Variants in LARGE1 observed in about 807,000 individuals in gnomAD.
LARGE1 encodes LARGE xylosyl- and glucuronyltransferase 1, also known as xylosyl- and glucuronyltransferase LARGE1.
Under a neutral mutation model 87.6 loss-of-function variants are expected in LARGE1, and 43 were observed. The ratio of observed to expected loss-of-function variants is 0.49; its 90% CI spans 0.38 to 0.63. LARGE1 has a LOEUF of 0.63. Among genes scored for constraint, LARGE1 ranks in the 30% least tolerant of loss-of-function variants. LARGE1 has a pLI of 0.00. For missense variants in LARGE1, 802 were observed against 1,000.2 expected (o/e 0.80, Z 2.67); for synonymous variants, 434 against 394.6 (o/e 1.10, Z -1.18).
intron 11 of LARGE1, among the ~76,000 whole-genome samples, chr22:33,242,941 C>T (rs1232014693): frequency 2.6e-5 from 4 of 152,162 alleles, no homozygotes; most frequent in Non-Finnish European, 5.9e-5. Context: ...CCTTCCTCTC[C>T]ACATGGCATT....
At chr22:33,322,292 G>A (rs1190134210) in intron 10 of LARGE1, among the ~76,000 whole-genome samples, 2 of 152,116 alleles carry the variant, frequency 1.3e-5, no homozygotes, top group Admixed American at 1.3e-4. Context: ...CAATATCCAG[G>A]TTCTATATCC....
chr22:33,902,708 A>T (rs761911624), intron 1 of LARGE1, among the ~76,000 whole-genome samples: 6 of 152,162 alleles, frequency 3.9e-5, no homozygotes, highest in Non-Finnish European at 8.8e-5. Context: ...TCAAAATACA[A>T]CCCATTCACA....
At chr22:33,443,524 T>C (rs2067569336) in intron 6 of LARGE1, among the ~76,000 whole-genome samples, 1 of 152,168 alleles carries the variant, frequency 6.6e-6, no homozygotes, top group Admixed American at 6.5e-5. Context: ...CTTTCAGTGT[T>C]AATCCTAGTA....
chr22:33,258,476 T>C (rs1026377897), intron 11 of LARGE1, among the ~76,000 whole-genome samples: 33 of 152,174 alleles, frequency 2.2e-4, no homozygotes, highest in African/African-American at 8.0e-4. Context: ...TCAGAGGCAT[T>C]TGAATCAGAG....
At chr22:33,095,669 G>C in the LARGE1 span, among the ~76,000 whole-genome samples, 3 of 152,176 alleles carry the variant, frequency 2.0e-5, no homozygotes, top group Admixed American at 2.0e-4. Flanking sequence ...ATAAATGAAA[G>C]AAGAGAGACA....
At chr22:33,282,523 C>T (rs1273844593) in intron 13 of LARGE1, among the ~76,000 whole-genome samples, 2 of 152,174 alleles carry the variant, frequency 1.3e-5, no homozygotes, top group African/African-American at 2.4e-5. Context: ...CCTGTTTGCT[C>T]CTGTGCGGTG....
intron 9 of LARGE1, among the ~76,000 whole-genome samples, chr22:33,364,271 A>T (rs931681191): frequency 7.2e-5 from 11 of 151,944 alleles, no homozygotes; most frequent in Non-Finnish European, 1.6e-4. Flanking sequence ...GTTAGCCAGG[A>T]TGGTCTCCAT....
At chr22:33,159,528 A>C (rs1286180759), downstream of LARGE1, among the ~76,000 whole-genome samples, 2 of 152,132 alleles carry the variant, frequency 1.3e-5, no homozygotes, top group African/African-American at 4.8e-5. Flanking sequence ...ACTCATTGAT[A>C]GACTGATAGG....
chr22:33,219,181 A>C (rs141626635), intron 11 of LARGE1, among the ~76,000 whole-genome samples: 184 of 152,324 alleles, frequency 1.2e-3, no homozygotes, highest in African/African-American at 4.2e-3. Context: ...TAACTAATTC[A>C]AACAGCTACC....
intron 11 of LARGE1, among the ~76,000 whole-genome samples, chr22:33,184,411 CAT>C (rs1190046762): frequency 6.6e-6 from 1 of 151,224 alleles, no homozygotes; most frequent in African/African-American, 2.4e-5. Flanking sequence ...GTAATTATGT[CAT>C]ATCACTACTA....
At chr22:33,688,262 G>C (rs1244688606) in intron 2 of LARGE1, among the ~76,000 whole-genome samples, 1 of 152,200 alleles carries the variant, frequency 6.6e-6, no homozygotes, top group Non-Finnish European at 1.5e-5. Context: ...GCTGGAAACA[G>C]TGCTAGCCCA....
chr22:33,267,461 C>A (rs1341729665), intron 11 of LARGE1, among the ~76,000 whole-genome samples: 4 of 151,614 alleles, frequency 2.6e-5, no homozygotes, highest in Non-Finnish European at 5.9e-5. Context: ...CTGAATTAGA[C>A]ATGGGTTATG....
chr22:33,797,549 G>A (rs2086025192), intron 1 of LARGE1, among the ~76,000 whole-genome samples: 1 of 152,164 alleles, frequency 6.6e-6, no homozygotes, highest in Admixed American at 6.5e-5. Flanking sequence ...ACGGTGGTTG[G>A]AGGCAGAGGA....
At chr22:33,169,975 A>C (rs750318733) in intron 11 of LARGE1, among the ~76,000 whole-genome samples, 18 of 152,182 alleles carry the variant, frequency 1.2e-4, no homozygotes, top group Non-Finnish European at 2.5e-4. Context: ...GCTATGGTCC[A>C]AATATTTGTG....
chr22:33,550,851 G>A (rs1218184570), intron 6 of LARGE1, among the ~76,000 whole-genome samples: 2 of 152,158 alleles, frequency 1.3e-5, no homozygotes, highest in South Asian at 2.1e-4. Context: ...ACAGTACAAC[G>A]AAATACTATT....
chr22:33,499,586 G>A (rs549863940), intron 6 of LARGE1, among the ~76,000 whole-genome samples: 1 of 152,240 alleles, frequency 6.6e-6, no homozygotes, highest in African/African-American at 2.4e-5. Context: ...CCAGGGTCCC[G>A]TGACACCTGT....
At chr22:33,639,281 C>T (rs1569333070) in intron 3 of LARGE1, among the ~76,000 whole-genome samples, 2 of 152,190 alleles carry the variant, frequency 1.3e-5, no homozygotes, top group Non-Finnish European at 2.9e-5. Flanking sequence ...CAGCATTGTA[C>T]TGTTCCAGCT....
the LARGE1 span, among the ~76,000 whole-genome samples, chr22:33,094,184 A>T: frequency 6.6e-6 from 1 of 152,122 alleles, no homozygotes; most frequent in African/African-American, 2.4e-5. Flanking sequence ...GAGCCCCAAC[A>T]TAACCATTTC....
intron 6 of LARGE1, among the ~76,000 whole-genome samples, chr22:33,487,462 C>T (rs1036537149): frequency 6.6e-6 from 1 of 152,114 alleles, no homozygotes; most frequent in Admixed American, 6.5e-5. Flanking sequence ...AGTATCTACT[C>T]CTCTGCTTGC....
Sources: gnomAD v4.1 joint callset for allele counts (sites outside exome capture counted in the v4.1 genomes callset) on GRCh38, gnomAD v4.1.1 for gene constraint, MANE v1.5 for transcripts, NCBI Gene and HGNC (gene_info 2026-07-23, HGNC 2026-07-21) for gene names.